Variants in COL6A1 observed in about 807,000 individuals in gnomAD.
COL6A1 encodes the protein collagen alpha-1(VI) chain.
Under a neutral mutation model 145.6 loss-of-function variants are expected in COL6A1, and 80 were observed. The observed-to-expected ratio is 0.55, with a 90% CI of 0.46 to 0.66. The LOEUF (loss-of-function observed/expected upper bound fraction) is 0.66. Ranked by LOEUF, COL6A1 falls within the 30% of genes least tolerant of loss-of-function variation. The probability of loss-of-function intolerance (pLI) is 0.00; values close to 1 mark genes in which losing one functional copy is unlikely to be tolerated. For missense variants in COL6A1, 1,364 were observed against 1,473.8 expected, an observed-to-expected ratio of 0.93 and a Z score of 1.22; for synonymous variants, 638 against 622.8, an observed-to-expected ratio of 1.02 and a Z score of -0.36.
chr21:45,990,227 A>G lies in COL6A1; in HGVS notation c.931-31A>G, dbSNP rs776552921. 6.8e-6 allele frequency: 11 copies of G among 1,609,904 alleles called. No homozygotes were observed. In the South Asian group the frequency reaches 1.1e-4, roughly 16 times the overall value. On this transcript the variant is annotated intron_variant, in intron 11 of 34. Transcript: ENST00000361866. ...TTGCCCTGCCCTCCCCACCCCAAAT[A>G]CCCCCTCACACCCGCTTCCTGTCTC...
At chr21:45,993,355 T>G (rs2776407) in intron 19 of COL6A1, among the ~76,000 whole-genome samples, 133,760 of 152,248 alleles carry the variant, frequency 0.88, 58,867 homozygotes, top group African/African-American at 0.92. Flanking sequence ...TGCTGGGAAA[T>G]CTGTGCTGGA....
At chr21:45,982,881 G>T in intron 2 of COL6A1, 118 bp downstream of exon 2, 1 of 1,464,486 alleles carries the variant, frequency 6.8e-7, no homozygotes, top group Non-Finnish European at 9.4e-7. Flanking sequence ...GGCGAGCGTT[G>T]CCCTGACCGG....
At chr21:46,002,939 G>A (rs1347225276) in intron 33 of COL6A1, among the ~76,000 whole-genome samples, 181 bp from the exon 34 acceptor site, 1 of 147,726 alleles carries the variant, frequency 6.8e-6, no homozygotes, top group Admixed American at 6.7e-5. Flanking sequence ...CAGGGGCACG[G>A]CCACCCTGTA....
At position 46,004,651 on chromosome 21, in the gene COL6A1, G is replaced by A. The variant is rs778803576; in HGVS notation, c.*638G>A. ...GGCCGTTGCAGACATAAATCTCGGC[G>A]ACTCGGCCCCGTCTCCTGAGGGTCC... On this transcript the variant is annotated 3_prime_UTR_variant, in exon 35 of 35. Transcript: ENST00000361866. 1.8e-5 allele frequency: 8 copies of A among 437,322 alleles called. No individual in the cohort carries two copies. Among genetic ancestry groups the A allele is most frequent in the South Asian group, 8.0e-5 (5 of 62,122 alleles). 27.1% of individuals were successfully genotyped at this position (437,322 alleles called of 1,614,324 possible). A position where few individuals can be genotyped will look rare whatever the true frequency, so the allele number is the denominator to read the frequency against.
At chr21:45,990,858 A>T (rs752732744) in intron 14 of COL6A1, 32 bp downstream of exon 14, 2 of 1,612,688 alleles carry the variant, frequency 1.2e-6, no homozygotes, top group Admixed American at 1.7e-5. Context: ...ATACTTTAAA[A>T]CTAGCGCTGT....
chr21:45,990,203 T>C, intron 11 of COL6A1, 55 bp from the exon 12 acceptor site: 1 of 1,608,360 alleles, frequency 6.2e-7, no homozygotes, highest in Non-Finnish European at 8.5e-7. Flanking sequence ...AAGCCAGGCT[T>C]GCCCTGCCCT....
At position 45,992,344 on chromosome 21, in the gene COL6A1, C is replaced by T; in HGVS notation, c.1237-19C>T. The T allele has an allele frequency of 6.2e-7, 1 of 1,613,834 alleles. No homozygotes were observed. Among genetic ancestry groups the T allele is most frequent in the Non-Finnish European group, 8.5e-7 (1 of 1,180,006 alleles). On this transcript the variant is annotated intron_variant, in intron 17 of 34. Transcript: ENST00000361866. ...GTGTCCACCAGACTAACGCCGGCGT[C>T]TGTTTCTCTTCATCCCAGGGGAACC...
At position 45,990,437 on chromosome 21, in the gene COL6A1, A is replaced by T. The variant is rs762495019; in HGVS notation, c.1002+15A>T. ...ACGGCGTGAAGGTGACTGGGGGGAG[A>T]TAGGATGGACGGGGAGGGACGAGGA... On this transcript the variant is annotated intron_variant, in intron 13 of 34. Coordinates refer to ENST00000361866, the MANE Select transcript of COL6A1 (RefSeq NM_001848.3). 11 of 946,146 alleles carry T rather than the reference A, an allele frequency of 1.2e-5. No individual in the cohort carries two copies. The highest frequency in any genetic ancestry group is 2.6e-4 in the Middle Eastern group (1 of 3,804). The allele number at this position is 946,146 out of a possible 1,614,324, so 58.6% of individuals were successfully genotyped here.
intron 33 of COL6A1, 129 bp downstream of exon 33, chr21:46,002,839 G>C: frequency 8.1e-7 from 1 of 1,240,996 alleles, no homozygotes; most frequent in Non-Finnish European, 1.1e-6. Context: ...AGGTGCACGC[G>C]GGGCCGCCCA....
intron 3 of COL6A1, among the ~76,000 whole-genome samples, chr21:45,986,099 CTGT>C (rs1308992724): frequency 6.6e-6 from 1 of 152,190 alleles, no homozygotes; most frequent in Non-Finnish European, 1.5e-5. Flanking sequence ...AGGGATCGCC[CTGT>C]TGTTTGCTCA....
chr21:46,000,641 AGGCCGGGGAAGGAGGGC>A lies in COL6A1; in HGVS notation c.1814-108_1814-92del, dbSNP rs200069109. ...GGGGCAGGAGGCCGGGGAAGGGGGGAGGCCGGGGAAGGAGGGCGGCCGGGGAGGCGGGGAGGCTGCCC... is the reference window on the plus strand; with the variant it reads ...GGGGCAGGAGGCCGGGGAAGGGGGGAGGCCGGGGAGGCGGGGAGGCTGCCC... On this transcript the variant is annotated intron_variant, in intron 28 of 34. Transcript: ENST00000361866. The A allele has an allele frequency of 7.9e-3, 10,830 of 1,366,474 alleles. 508 individuals are homozygous for A. The African/African-American group carries it at 0.13, about 16-fold the overall frequency. The allele number at this position is 1,366,474 out of a possible 1,614,324, so 84.6% of individuals were successfully genotyped here. A position where few individuals can be genotyped will look rare whatever the true frequency, so the allele number is the denominator to read the frequency against.
intron 1 of COL6A1, among the ~76,000 whole-genome samples, 182 bp downstream of exon 1, chr21:45,982,129 G>A (rs1432336824): frequency 6.6e-6 from 1 of 152,156 alleles, no homozygotes; most frequent in Non-Finnish European, 1.5e-5. Flanking sequence ...CTTGGCCGGG[G>A]CCCCTAGAGG....
At chr21:45,991,237 G>T (rs939290391) in intron 15 of COL6A1, among the ~76,000 whole-genome samples, 196 bp downstream of exon 15, 2 of 152,234 alleles carry the variant, frequency 1.3e-5, no homozygotes, top group African/African-American at 2.4e-5. Context: ...CAGTGGCCGT[G>T]GCGCTCCCGC....
In COL6A1 at chr21:45,990,260, C is replaced by T. The variant is rs1407221443; in HGVS notation, c.933C>T (p.Gly311=). Residue 311 remains glycine (G), a splice_region_variant and synonymous_variant, in exon 12 of 35, where the codon GGC becomes GGT. Coordinates refer to ENST00000361866, the MANE Select transcript of COL6A1 (RefSeq NM_001848.3). The stretch of plus-strand genomic sequence containing the variant: ...ACACCCGCTTCCTGTCTCCGCAGGG[C>T]TCCAGGGGACCCAAGGGCTACAAGG... ...KGEKGSRGEK[G]SRGPKGYKGE... 2 of 1,612,738 alleles carry T rather than the reference C, an allele frequency of 1.2e-6. No individual in the cohort carries two copies. The highest frequency in any genetic ancestry group is 1.3e-5 in the African/African-American group (1 of 74,914).
At chr21:45,993,373 C>T (rs1181491198) in intron 19 of COL6A1, among the ~76,000 whole-genome samples, 4 of 152,172 alleles carry the variant, frequency 2.6e-5, no homozygotes, top group Non-Finnish European at 4.4e-5. Context: ...GGATGTGGGG[C>T]GGGGCAGCTG....
rs1569518214 is a variant in COL6A1 at position 45,990,438 on chromosome 21, T to G, written c.1002+16T>G. The G allele has an allele frequency of 4.8e-5, 28 of 588,812 alleles. No individual in the cohort carries two copies. The highest frequency in any genetic ancestry group is 2.0e-4 in the East Asian group (2 of 10,068). The allele number at this position is 588,812 out of a possible 1,614,324, so 36.5% of individuals were successfully genotyped here. On this transcript the variant is annotated intron_variant, in intron 13 of 34. Transcript: ENST00000361866. ...CGGCGTGAAGGTGACTGGGGGGAGATAGGATGGACGGGGAGGGACGAGGAG... is the reference window on the plus strand; with the variant it reads ...CGGCGTGAAGGTGACTGGGGGGAGAGAGGATGGACGGGGAGGGACGAGGAG...
At chr21:45,985,319 G>A (rs2077733260) in intron 3 of COL6A1, among the ~76,000 whole-genome samples, 3 of 151,576 alleles carry the variant, frequency 2.0e-5, no homozygotes, top group Admixed American at 2.0e-4. Flanking sequence ...GAGACAGAGA[G>A]ATAGAAGCAG....
chr21:45,992,432 C>T (rs758837490), intron 18 of COL6A1, 34 bp downstream of exon 18: 2 of 1,609,074 alleles, frequency 1.2e-6, no homozygotes. Flanking sequence ...CGCTGTTGGC[C>T]TCACCATGTA....
rs767760988 is a variant in COL6A1 at position 46,003,677 on chromosome 21, C to G, written c.2751C>G (p.Asn917Lys). 3.1e-6 allele frequency: 5 copies of G among 1,612,980 alleles called. No individual in the cohort carries two copies. Among genetic ancestry groups the G allele is most frequent in the Non-Finnish European group, 4.2e-6 (5 of 1,179,962 alleles). The change falls in exon 35 of 35, where the codon AAC becomes AAG. Residue 917 changes from asparagine to lysine, a missense_variant. Coordinates refer to ENST00000361866, the MANE Select transcript of COL6A1 (RefSeq NM_001848.3). ...TTATCAACGACGCCACCGACGTCAACGATGCCCTGGGCTATGTGACCCGCT... is the reference window on the plus strand; with the variant it reads ...TTATCAACGACGCCACCGACGTCAAGGATGCCCTGGGCTATGTGACCCGCT... ...MDFINDATDV[N>K]DALGYVTRFY... is the part of the protein sequence containing the mutation.
Sources: gnomAD v4.1 joint callset for allele counts (sites outside exome capture counted in the v4.1 genomes callset) on GRCh38, gnomAD v4.1.1 for gene constraint, MANE v1.5 for transcripts, NCBI Gene and HGNC (gene_info 2026-07-23, HGNC 2026-07-21) for gene names.